PCDH15: variants seen among roughly 807,000 people sequenced by gnomAD.
PCDH15 encodes the protein protocadherin related 15, also known as protocadherin-15.
In PCDH15, 129 loss-of-function variants were observed where a neutral mutation model predicts 178.5. The observed-to-expected ratio is 0.72, with a 90% CI of 0.63 to 0.84. The LOEUF (loss-of-function observed/expected upper bound fraction) is 0.84. PCDH15 is among the 40% of genes least tolerant of loss of function. PCDH15 has a pLI of 0.00. For synonymous variants in PCDH15, 800 were observed against 732.0 expected (o/e 1.09, Z -1.50); for missense variants, 2,230 against 2,099.9 (o/e 1.06, Z -1.21).
chr10:54,149,436 A>G (rs2044296683), intron 14 of PCDH15, among the ~76,000 whole-genome samples: 1 of 152,122 alleles, frequency 6.6e-6, no homozygotes, highest in Admixed American at 6.6e-5. Context: ...CTGAGAAAAG[A>G]TCCATCCAGG....
intron 2 of PCDH15, among the ~76,000 whole-genome samples, chr10:54,967,662 T>G (rs767926337): frequency 6.6e-6 from 1 of 152,164 alleles, no homozygotes; most frequent in Non-Finnish European, 1.5e-5. Context: ...ACAAATAAAA[T>G]TGTTATGAAC....
intron 1 of PCDH15, among the ~76,000 whole-genome samples, chr10:54,716,889 A>T (rs966347905): frequency 1.4e-5 from 2 of 147,842 alleles, no homozygotes; most frequent in African/African-American, 5.1e-5. Context: ...CCAAAACAGC[A>T]TGGTACTGGT....
chr10:55,187,172 TC>T (rs1462771081), intron 1 of PCDH15, among the ~76,000 whole-genome samples: 1 of 151,870 alleles, frequency 6.6e-6, no homozygotes, highest in East Asian at 1.9e-4. Context: ...GGAGATAAGT[TC>T]ATACTCACGT....
At chr10:55,035,011 C>T (rs897006391) in intron 2 of PCDH15, among the ~76,000 whole-genome samples, 5 of 152,060 alleles carry the variant, frequency 3.3e-5, no homozygotes, top group African/African-American at 1.2e-4. Context: ...AGCTGCTTTC[C>T]TTTAAGCAGT....
intron 8 of PCDH15, among the ~76,000 whole-genome samples, chr10:54,247,208 T>C (rs11004176): frequency 0.16 from 24,591 of 151,426 alleles, 4,750 homozygotes; most frequent in African/African-American, 0.47. Flanking sequence ...ATATCCTGAA[T>C]GTATGAAGTA....
chr10:55,160,513 A>G (rs1753018663), intron 2 of PCDH15, among the ~76,000 whole-genome samples: 1 of 152,040 alleles, frequency 6.6e-6, no homozygotes, highest in Non-Finnish European at 1.5e-5. Context: ...AGGACAGACA[A>G]TATTAACAGC....
chr10:53,912,646 C>G (rs965698579), intron 25 of PCDH15, among the ~76,000 whole-genome samples: 24 of 152,054 alleles, frequency 1.6e-4, no homozygotes, highest in Admixed American at 1.6e-3. Context: ...TCCTATACAC[C>G]AATAACAGAC....
Position 55,095,909 on chromosome 10 carries a change from A to G in PCDH15, c.-80+70667T>C, listed in dbSNP as rs1184403855. 2.0e-5 allele frequency among the ~76,000 whole-genome samples: 3 copies of G among 152,096 alleles called. No homozygotes were observed. The East Asian group carries it at 5.8e-4, about 29-fold the overall frequency. Reference sequence around the variant, plus strand: ...TTATAGATTTTTAAGTGATTAATTGAAAAATCAGGAGCTGTGGGTCCTATT... The same window carrying G: ...TTATAGATTTTTAAGTGATTAATTGGAAAATCAGGAGCTGTGGGTCCTATT... On this transcript the variant is annotated intron_variant, in intron 2 of 5. Transcript: ENST00000458638.
At chr10:55,468,479 G>A (rs1839887725) in intron 2 of PCDH15, 1 of 152,172 alleles carries the variant, frequency 6.6e-6, no homozygotes, top group East Asian at 1.9e-4. Flanking sequence ...AAATTGCAAA[G>A]CTAAAATGGG....
At chr10:54,088,491 G>A (rs2094549974) in intron 16 of PCDH15, among the ~76,000 whole-genome samples, 1 of 151,998 alleles carries the variant, frequency 6.6e-6, no homozygotes, top group Admixed American at 6.6e-5. Context: ...TATTTTCTCT[G>A]ATTGTAGGTT....
At position 53,903,834 on chromosome 10, in the gene PCDH15, A is replaced by G. The variant is rs2082490436; in HGVS notation, c.3374-464T>C. ...CATTTCTTTAGCTTAAAATTGTACA[A>G]TAACTTTTATGTTTTAAGACTAAAA... On this transcript the variant is annotated intron_variant, in intron 25 of 37. Coordinates refer to ENST00000644397, the MANE Select transcript of PCDH15 (RefSeq NM_001384140.1). Among the ~76,000 whole-genome samples, 3 of 152,180 alleles carry G rather than the reference A, an allele frequency of 2.0e-5. No individual in the cohort carries two copies. The South Asian group carries it at 6.2e-4, about 31-fold the overall frequency.
intron 2 of PCDH15, among the ~76,000 whole-genome samples, chr10:55,118,086 A>G: frequency 6.6e-6 from 1 of 152,102 alleles, no homozygotes; most frequent in East Asian, 1.9e-4. Flanking sequence ...GAAGATTATA[A>G]CCTTCTGGAA....
At chr10:54,050,476 G>A (rs1332558884) in intron 18 of PCDH15, among the ~76,000 whole-genome samples, 2 of 151,914 alleles carry the variant, frequency 1.3e-5, no homozygotes, top group Non-Finnish European at 2.9e-5. Flanking sequence ...CTAGCTATAG[G>A]TCTATAAATC....
intron 8 of PCDH15, among the ~76,000 whole-genome samples, chr10:54,257,058 T>TAGAA (rs1353462266): frequency 7.5e-6 from 1 of 133,812 alleles, no homozygotes; most frequent in Non-Finnish European, 1.5e-5. Context: ...ATTAGATAGA[T>TAGAA]AGATAGATAG....
At chr10:54,720,572 T>C (rs1941426530) in intron 1 of PCDH15, among the ~76,000 whole-genome samples, 1 of 151,330 alleles carries the variant, frequency 6.6e-6, no homozygotes, top group Non-Finnish European at 1.5e-5. Context: ...GATTCACAAA[T>C]GAAGATGAAA....
Position 53,820,224 on chromosome 10 carries a change from A to T in PCDH15, c.4374T>A (p.Ser1458Arg), listed in dbSNP as rs1342746386. 1 of 397,656 alleles carries T rather than the reference A, an allele frequency of 2.5e-6. No homozygotes were observed. The highest frequency in any genetic ancestry group is 3.6e-5 in the East Asian group (1 of 28,030). The allele number at this position is 397,656 out of a possible 1,614,324, so 24.6% of individuals were successfully genotyped here. ...YEELGDSSIW[S>R]FCWQLVICMR... ...TGCATATGACCAGCTGCCAACAAAA[A>T]CTCCAACTGAAGTTTTTCAGTGAAA... is the stretch of plus-strand genomic sequence containing the variant. Residue 1458 changes from serine to arginine, a missense_variant, in exon 33 of 38, where the codon AGT becomes AGA. Physicochemically the swap from Ser to Arg is moderately radical, Grantham distance 110. Transcript: ENST00000644397.
In PCDH15 at chr10:53,803,863, T is replaced by C. The variant is rs1182609474; in HGVS notation, c.*2716A>G. ...TCTGCCTGATTGAAGCTAGTGCTGATTGAGAACAACAAGAAAACCTTCCTA... is the reference window on the plus strand; with the variant it reads ...TCTGCCTGATTGAAGCTAGTGCTGACTGAGAACAACAAGAAAACCTTCCTA... On this transcript the variant is annotated 3_prime_UTR_variant, in exon 38 of 38. Transcript: ENST00000644397. The C allele has an allele frequency of 6.6e-6, 1 of 151,930 alleles. No individual in the cohort carries two copies. Among genetic ancestry groups the C allele is most frequent in the Non-Finnish European group, 1.5e-5 (1 of 67,886 alleles). The allele number at this position is 151,930 out of a possible 1,614,324, so 9.4% of individuals were successfully genotyped here.
intron 2 of PCDH15, among the ~76,000 whole-genome samples, chr10:55,371,122 T>G (rs2131989511): frequency 6.6e-6 from 1 of 152,158 alleles, no homozygotes; most frequent in East Asian, 1.9e-4. Flanking sequence ...GTAAAACAAT[T>G]TAAGGAAAGG....
intron 21 of PCDH15, among the ~76,000 whole-genome samples, chr10:53,993,934 A>G (rs1362331847): frequency 6.6e-6 from 1 of 152,212 alleles, no homozygotes; most frequent in African/African-American, 2.4e-5. Flanking sequence ...CTATCTAATG[A>G]AAGGCCAATA....
Sources: allele counts gnomAD v4.1 joint callset (sites outside exome capture counted in the v4.1 genomes callset), GRCh38; gene constraint gnomAD v4.1.1; transcripts MANE v1.5; gene names NCBI Gene and HGNC (gene_info 2026-07-23, HGNC 2026-07-21).